TNFAIP8: variants seen among roughly 807,000 people sequenced by gnomAD.
TNFAIP8 encodes tumor necrosis factor alpha-induced protein 8.
A neutral mutation model predicts 13.3 loss-of-function variants in TNFAIP8; 7 were observed. The ratio of observed to expected loss-of-function variants is 0.52; its 90% CI spans 0.30 to 0.99. The LOEUF is 0.99. TNFAIP8 is among the 50% of genes least tolerant of loss of function. The pLI is 0.07. For synonymous variants in TNFAIP8, 94 were observed against 87.6 expected, an observed-to-expected ratio of 1.07 and a Z score of -0.41; for missense variants, 258 against 236.9, an observed-to-expected ratio of 1.09 and a Z score of -0.58.
chr5:119,269,434 A>ATGTGTG (rs113644241), intron 1 of TNFAIP8, among the ~76,000 whole-genome samples: 1 of 151,236 alleles, frequency 6.6e-6, no homozygotes, highest in African/African-American at 2.4e-5. Context: ...GAGGAAGAAA[A>ATGTGTG]TGTGTGTGTG....
At chr5:119,303,183 A>G (rs1006665712) in intron 1 of TNFAIP8, among the ~76,000 whole-genome samples, 1 of 152,160 alleles carries the variant, frequency 6.6e-6, no homozygotes, top group Non-Finnish European at 1.5e-5. Flanking sequence ...TTCCAATTCA[A>G]TTAGAGATAA....
intron 1 of TNFAIP8, among the ~76,000 whole-genome samples, chr5:119,324,505 C>T (rs1750159524): frequency 6.6e-6 from 1 of 151,972 alleles, no homozygotes; most frequent in African/African-American, 2.4e-5. Flanking sequence ...GCCCCAAGTT[C>T]TAGGGAGTTT....
At chr5:119,369,912 C>T (rs528168595) in intron 1 of TNFAIP8, among the ~76,000 whole-genome samples, 6 of 152,218 alleles carry the variant, frequency 3.9e-5, no homozygotes, top group Non-Finnish European at 4.4e-5. Context: ...TTGTCTAGGC[C>T]GATGGAGGGC....
At chr5:119,277,218 C>G (rs967406603) in intron 1 of TNFAIP8, among the ~76,000 whole-genome samples, 1 of 152,010 alleles carries the variant, frequency 6.6e-6, no homozygotes, top group African/African-American at 2.4e-5. Context: ...CTGAGGAGAC[C>G]ACACCGTTTG....
intron 1 of TNFAIP8, among the ~76,000 whole-genome samples, chr5:119,282,174 A>G (rs975038585): frequency 6.6e-6 from 1 of 152,198 alleles, no homozygotes; most frequent in Non-Finnish European, 1.5e-5. Context: ...GACTTGGTCA[A>G]CCCTGTTCCC....
At chr5:119,372,358 C>T (rs1752114309) in intron 1 of TNFAIP8, among the ~76,000 whole-genome samples, 1 of 148,292 alleles carries the variant, frequency 6.7e-6, no homozygotes, top group Admixed American at 6.7e-5. Context: ...GAAATCACAT[C>T]AAGAAGAAAA....
At chr5:119,323,991 A>T (rs770469113) in intron 1 of TNFAIP8, among the ~76,000 whole-genome samples, 1 of 152,136 alleles carries the variant, frequency 6.6e-6, no homozygotes, top group Non-Finnish European at 1.5e-5. Context: ...AAGCTTAATC[A>T]TGTTTAATTT....
chr5:119,342,302 C>T (rs1311437857), intron 1 of TNFAIP8, among the ~76,000 whole-genome samples: 1 of 152,162 alleles, frequency 6.6e-6, no homozygotes, highest in Non-Finnish European at 1.5e-5. Context: ...GAACCAGCAC[C>T]AGCCACTGAA....
intron 1 of TNFAIP8, among the ~76,000 whole-genome samples, chr5:119,375,707 C>T (rs1214499296): frequency 2.6e-5 from 4 of 152,066 alleles, no homozygotes; most frequent in Non-Finnish European, 5.9e-5. Context: ...GTCTTTGTAA[C>T]TTTTGGGAGG....
chr5:119,328,953 C>A (rs1185342853), intron 1 of TNFAIP8, among the ~76,000 whole-genome samples: 1 of 152,222 alleles, frequency 6.6e-6, no homozygotes, highest in Non-Finnish European at 1.5e-5. Flanking sequence ...TTGCAGCCAG[C>A]ACTCGGTGTT....
At chr5:119,316,223 G>C (rs1298955265) in intron 1 of TNFAIP8, 1 of 149,280 alleles carries the variant, frequency 6.7e-6, no homozygotes, top group Non-Finnish European at 1.5e-5. Context: ...GCAGTGGTGA[G>C]ATCATAGCTC....
At position 119,356,157 on chromosome 5, in the gene TNFAIP8, TCTG is replaced by T. The variant is rs1207043603; in HGVS notation, c.31+38_31+40del. On this transcript the variant is annotated intron_variant, in intron 1 of 1. Transcript: ENST00000504771. ...GGTTTCTCCTGGGGGCCGGCCAAGT[TCTG>T]CGGAGGAATTTGGAGGAAGGCAGTG... 3 of 1,541,284 alleles carry T rather than the reference TCTG, an allele frequency of 1.9e-6. No homozygotes were observed. In the African/African-American group the frequency reaches 4.2e-5, roughly 21 times the overall value.
chr5:119,275,629 T>G (rs372903240), intron 1 of TNFAIP8, among the ~76,000 whole-genome samples: 1 of 152,162 alleles, frequency 6.6e-6, no homozygotes, highest in African/African-American at 2.4e-5. Context: ...GACCATTTTT[T>G]TCTTTGAAGC....
chr5:119,352,432 A>AG (rs200288571), upstream of TNFAIP8, among the ~76,000 whole-genome samples: 774 of 152,160 alleles, frequency 5.1e-3, 3 homozygotes, highest in Non-Finnish European at 7.8e-3. Context: ...AGAAAAAAAA[A>AG]TGACCATTTT....
At chr5:119,371,783 T>C (rs1446344143) in intron 1 of TNFAIP8, among the ~76,000 whole-genome samples, 1 of 152,038 alleles carries the variant, frequency 6.6e-6, no homozygotes, top group African/African-American at 2.4e-5. Context: ...CCTGGCACTT[T>C]GGGAGGCCAA....
At chr5:119,338,616 G>A (rs1053962547) in intron 1 of TNFAIP8, among the ~76,000 whole-genome samples, 10 of 152,204 alleles carry the variant, frequency 6.6e-5, no homozygotes, top group African/African-American at 2.4e-4. Context: ...TTCACTCACT[G>A]TCCTTCAGGT....
chr5:119,355,974 T>C (rs1581637805), upstream of TNFAIP8: 1 of 1,497,200 alleles, frequency 6.7e-7, no homozygotes, highest in Non-Finnish European at 9.0e-7. Flanking sequence ...GTTTTGATTT[T>C]AGTGGCTTTC....
At chr5:119,306,938 TG>T (rs1242995857) in intron 1 of TNFAIP8, among the ~76,000 whole-genome samples, 39 of 152,390 alleles carry the variant, frequency 2.6e-4, no homozygotes, top group African/African-American at 9.4e-4. Context: ...TATTAAGGCA[TG>T]CACGTTTCAT....
chr5:119,286,670 G>T (rs1372467829), intron 1 of TNFAIP8, among the ~76,000 whole-genome samples: 1 of 152,012 alleles, frequency 6.6e-6, no homozygotes, highest in Non-Finnish European at 1.5e-5. Flanking sequence ...GAGCAGACAG[G>T]GTATGGGCCT....
Sources: gnomAD v4.1 joint callset for allele counts (sites outside exome capture counted in the v4.1 genomes callset) on GRCh38, gnomAD v4.1.1 for gene constraint, MANE v1.5 for transcripts, NCBI Gene and HGNC (gene_info 2026-07-23, HGNC 2026-07-21) for gene names.